PCDH15: variants seen among roughly 807,000 people sequenced by gnomAD.
PCDH15 encodes protocadherin-15.
Under a neutral mutation model 178.5 loss-of-function variants are expected in PCDH15, and 129 were observed. The observed-to-expected ratio is 0.72, with a 90% CI of 0.63 to 0.84. The LOEUF (loss-of-function observed/expected upper bound fraction) is 0.84. Among genes scored for constraint, PCDH15 ranks in the 40% least tolerant of loss-of-function variants. PCDH15 has a pLI of 0.00. For missense variants in PCDH15, 2,230 were observed against 2,099.9 expected, an observed-to-expected ratio of 1.06 and a Z score of -1.21; for synonymous variants, 800 against 732.0, an observed-to-expected ratio of 1.09 and a Z score of -1.50.
At chr10:54,798,442 C>T (rs1952284647) in intron 1 of PCDH15, among the ~76,000 whole-genome samples, 1 of 151,998 alleles carries the variant, frequency 6.6e-6, no homozygotes, top group Non-Finnish European at 1.5e-5. Context: ...TTTTTGGATG[C>T]CATCCCTGAC....
intron 24 of PCDH15, among the ~76,000 whole-genome samples, chr10:53,939,401 G>A (rs926131494): frequency 6.6e-6 from 1 of 151,786 alleles, no homozygotes; most frequent in African/African-American, 2.4e-5. Flanking sequence ...TTATTATTTT[G>A]TAGATTTAGT....
intron 8 of PCDH15, among the ~76,000 whole-genome samples, chr10:54,312,939 A>G (rs1249291640): frequency 1.3e-5 from 2 of 152,116 alleles, no homozygotes; most frequent in Non-Finnish European, 2.9e-5. Flanking sequence ...GAAATAAAAA[A>G]ATAAATATTT....
At chr10:54,155,015 A>C (rs943683352) in intron 13 of PCDH15, among the ~76,000 whole-genome samples, 11 of 152,232 alleles carry the variant, frequency 7.2e-5, no homozygotes, top group Non-Finnish European at 1.2e-4. Flanking sequence ...AGGAGATATC[A>C]ATTTTGATTA....
intron 2 of PCDH15, among the ~76,000 whole-genome samples, chr10:55,142,642 G>A (rs1327375709): frequency 2.1e-5 from 2 of 96,884 alleles, no homozygotes; most frequent in Admixed American, 9.7e-5. Context: ...GTACTCCTAT[G>A]TAGATATATC....
intron 2 of PCDH15, among the ~76,000 whole-genome samples, chr10:54,569,866 C>T (rs990774411): frequency 3.9e-5 from 6 of 152,060 alleles, no homozygotes; most frequent in African/African-American, 1.2e-4. Context: ...CAAGATTTCT[C>T]GTAGGTGGTG....
intron 3 of PCDH15, among the ~76,000 whole-genome samples, chr10:54,881,709 G>T (rs1438581261): frequency 1.3e-5 from 2 of 151,990 alleles, no homozygotes; most frequent in Non-Finnish European, 1.5e-5. Context: ...ATCATAAGCG[G>T]ATTAGGCTCT....
intron 1 of PCDH15, among the ~76,000 whole-genome samples, chr10:55,253,118 A>G (rs993729473): frequency 1.3e-5 from 2 of 152,076 alleles, no homozygotes; most frequent in Admixed American, 6.6e-5. Flanking sequence ...TTGTAGAGTC[A>G]TGGTCTCCAT....
chr10:55,180,401 G>A lies in PCDH15; in HGVS notation c.-155-13750C>T, dbSNP rs140802339. On this transcript the variant is annotated intron_variant, in intron 1 of 5. Coordinates refer to the PCDH15 transcript ENST00000458638. ...ATTTTATTGCTTCTAATAAGAGACC[G>A]TCTCACCAGTATGTGCTTTAGATAA... Among the ~76,000 whole-genome samples the A allele has an allele frequency of 3.7e-4, 57 of 152,200 alleles. No individual in the cohort carries two copies. The East Asian group carries it at 8.3e-3, about 22-fold the overall frequency.
chr10:53,970,541 G>A (rs368321607), intron 21 of PCDH15, among the ~76,000 whole-genome samples: 136 of 151,994 alleles, frequency 8.9e-4, no homozygotes, highest in African/African-American at 3.2e-3. Flanking sequence ...TAGACTGCTA[G>A]CAAGGCTAAT....
intron 3 of PCDH15, among the ~76,000 whole-genome samples, chr10:54,882,512 A>G (rs921554044): frequency 6.6e-6 from 1 of 152,104 alleles, no homozygotes; most frequent in Non-Finnish European, 1.5e-5. Context: ...AATGAATAAA[A>G]GTAAATTTTA....
At chr10:55,214,394 G>T (rs780142528) in intron 1 of PCDH15, among the ~76,000 whole-genome samples, 3 of 151,682 alleles carry the variant, frequency 2.0e-5, no homozygotes, top group Non-Finnish European at 4.4e-5. Context: ...TCTCTCTGCA[G>T]TTACATTGTT....
At chr10:55,563,110 C>T (rs1053704290) in intron 2 of PCDH15, among the ~76,000 whole-genome samples, 12 of 151,920 alleles carry the variant, frequency 7.9e-5, no homozygotes, top group Admixed American at 6.6e-4. Context: ...AAAAGGACCA[C>T]ATCCTTCGGT....
At chr10:54,030,370 T>TA (rs2093257902) in intron 18 of PCDH15, among the ~76,000 whole-genome samples, 1 of 70,344 alleles carries the variant, frequency 1.4e-5, no homozygotes, top group Non-Finnish European at 3.0e-5. Flanking sequence ...ACAATAGTTG[T>TA]CTTTTTTTTT....
At chr10:55,054,556 C>T (rs1841248793) in intron 2 of PCDH15, among the ~76,000 whole-genome samples, 1 of 152,126 alleles carries the variant, frequency 6.6e-6, no homozygotes, top group Non-Finnish European at 1.5e-5. Flanking sequence ...AATGGGATTA[C>T]TGGGTCAAAT....
intron 28 of PCDH15, among the ~76,000 whole-genome samples, chr10:53,849,460 T>C (rs2078200419): frequency 6.6e-6 from 1 of 152,148 alleles, no homozygotes; most frequent in South Asian, 2.1e-4. Context: ...GAAGCAAACA[T>C]GTCAGCATAC....
At chr10:54,746,252 T>G (rs1332112192) in intron 1 of PCDH15, among the ~76,000 whole-genome samples, 2 of 152,148 alleles carry the variant, frequency 1.3e-5, no homozygotes, top group East Asian at 3.9e-4. Flanking sequence ...CAAAAATGTT[T>G]CTAAGCACTG....
intron 2 of PCDH15, among the ~76,000 whole-genome samples, chr10:55,541,011 A>ATATT (rs1841746967): frequency 6.6e-6 from 1 of 152,058 alleles, no homozygotes. Flanking sequence ...TTTACCCTAT[A>ATATT]TATTTATTTA....
At chr10:54,137,805 G>T (rs2043030531) in intron 14 of PCDH15, among the ~76,000 whole-genome samples, 1 of 152,140 alleles carries the variant, frequency 6.6e-6, no homozygotes, top group Admixed American at 6.6e-5. Flanking sequence ...CTTTTTGTAT[G>T]ACCAGCTGCA....
In PCDH15 at chr10:55,261,576, A is replaced by G. The variant is rs1000241713; in HGVS notation, c.-156+58023T>C. ...TGTTAACCTGTTCATCAGTGACACT[A>G]TTAAACAAATACATCCATATAATTA... is the stretch of plus-strand genomic sequence containing the variant. On this transcript the variant is annotated intron_variant, in intron 1 of 5. Coordinates refer to the PCDH15 transcript ENST00000458638. Among the ~76,000 whole-genome samples, 28 of 152,296 alleles carry G rather than the reference A, an allele frequency of 1.8e-4. 1 individual carries two copies. The highest frequency in any genetic ancestry group is 8.3e-4 in the South Asian group (4 of 4,820).
Sources: gnomAD v4.1 joint callset for allele counts (sites outside exome capture counted in the v4.1 genomes callset) on GRCh38, gnomAD v4.1.1 for gene constraint, MANE v1.5 for transcripts, NCBI Gene and HGNC (gene_info 2026-07-23, HGNC 2026-07-21) for gene names.